Variants in CAMK1 observed in about 807,000 individuals in gnomAD.
CAMK1 encodes calcium/calmodulin dependent protein kinase I, also known as calcium/calmodulin-dependent protein kinase type 1.
A neutral mutation model predicts 49.1 loss-of-function variants in CAMK1; 39 were observed. The ratio of observed to expected loss-of-function variants is 0.79; its 90% confidence interval spans 0.62 to 1.04. The LOEUF is 1.04. Among genes scored for constraint, CAMK1 ranks in the 50% least tolerant of loss-of-function variants. The probability of loss-of-function intolerance (pLI) is 0.00; values close to 1 mark genes in which losing one functional copy is unlikely to be tolerated. For missense variants in CAMK1, 457 were observed against 472.2 expected (o/e 0.97, Z 0.30); for synonymous variants, 192 against 185.2 (o/e 1.04, Z -0.30).
chr3:9,757,589 A>G lies in CAMK1; in HGVS notation c.1063T>C (p.Cys355Arg). 4 of 1,614,160 alleles carry G rather than the reference A, an allele frequency of 2.5e-6. No homozygotes were observed. Among genetic ancestry groups the G allele is most frequent in the South Asian group, 1.1e-5 (1 of 91,082 alleles). Residue 355 changes from cysteine (C) to arginine (R), a missense_variant, in exon 12 of 12, where the codon TGC (cysteine) becomes CGC (arginine). By Grantham distance (180) the Cys-to-Arg change is radical. Coordinates refer to ENST00000256460, the MANE Select transcript of CAMK1 (RefSeq NM_003656.5). This position sits in a 1 kb window ranked among gnomAD's most constrained non-coding sequence, Gnocchi z 4.5. Reference protein sequence around the residue: ...PAAGCCCRDCCVEPGTELSPT... With the variant: ...PAAGCCCRDCRVEPGTELSPT... ...GACAGTTCTGTGCCCGGCTCCACGC[A>G]GCAGTCTCGACAGCAACAGCCAGCT...
At chr3:9,768,492 G>A (rs2078217823) in intron 1 of CAMK1, among the ~76,000 whole-genome samples, 1 of 152,172 alleles carries the variant, frequency 6.6e-6, no homozygotes, top group Admixed American at 6.5e-5. Flanking sequence ...GGAGAGGGTG[G>A]GAGTTCTCTC....
chr3:9,761,803 A>G, intron 5 of CAMK1, 46 bp from the exon 6 acceptor site: 1 of 1,608,176 alleles, frequency 6.2e-7, no homozygotes, highest in East Asian at 2.2e-5. Flanking sequence ...AGATGGTTAG[A>G]GGCTGGTAGA....
chr3:9,764,760 G>A (rs1340305902), intron 3 of CAMK1, among the ~76,000 whole-genome samples: 1 of 149,894 alleles, frequency 6.7e-6, no homozygotes, highest in African/African-American at 2.5e-5. Flanking sequence ...AGCCTCCCAA[G>A]TAGCTGGGAT....
Position 9,767,801 on chromosome 3 carries a change from A to G in CAMK1, c.-32-20T>C. The G allele has an allele frequency of 2.5e-6, 4 of 1,609,274 alleles. No homozygotes were observed. Among genetic ancestry groups the G allele is most frequent in the Non-Finnish European group, 3.4e-6 (4 of 1,177,864 alleles). On this transcript the variant is annotated intron_variant, in intron 1 of 11. Coordinates refer to ENST00000256460, the MANE Select transcript of CAMK1 (RefSeq NM_003656.5). ...GGGCTCCTGTAAGGAGAATGGAAGG[A>G]GGAGACTCAGCAGAGCCCAGCCCTC...
chr3:9,760,279 C>G (rs972953991), intron 8 of CAMK1: 1 of 195,454 alleles, frequency 5.1e-6, no homozygotes, highest in African/African-American at 2.4e-5. Context: ...TTGTTCTTGA[C>G]TAATCTCAGT....
In CAMK1 at chr3:9,757,435, TGAG is replaced by T; in HGVS notation, c.*101_*103del. On this transcript the variant is annotated 3_prime_UTR_variant, in exon 12 of 12. Transcript: ENST00000256460. The surrounding 1 kb of genome is among the most constrained non-coding windows in gnomAD (Gnocchi z 4.5). Reference sequence around the variant, plus strand: ...CAGTGAGGAGTGGTAGGGAAGCAGGTGAGGAGGGGACAGGGCAGAGAAACTCCC... The same window carrying T: ...CAGTGAGGAGTGGTAGGGAAGCAGGTGAGGGGACAGGGCAGAGAAACTCCC... 3 of 1,607,076 alleles carry T rather than the reference TGAG, an allele frequency of 1.9e-6. No individual in the cohort carries two copies. Among genetic ancestry groups the T allele is most frequent in the Middle Eastern group, 1.7e-4 (1 of 6,002 alleles).
intron 1 of CAMK1, among the ~76,000 whole-genome samples, chr3:9,768,792 G>T (rs1300627474): frequency 6.6e-6 from 1 of 152,144 alleles, no homozygotes; most frequent in Non-Finnish European, 1.5e-5. Context: ...TGAGGAGAAG[G>T]TGCCCTGACT....
intron 7 of CAMK1, chr3:9,761,241 TTGTC>T (rs2077852686): frequency 1.6e-5 from 8 of 489,784 alleles, no homozygotes; most frequent in Non-Finnish European, 2.9e-5. Context: ...GGCAGGCACT[TTGTC>T]TGGTTTGTGC....
At position 9,765,790 on chromosome 3, in the gene CAMK1, T is replaced by G. The variant is rs2078125383; in HGVS notation, c.184A>C (p.Ser62Arg). The change falls in exon 3 of 12, where the codon AGC becomes CGC. Residue 62 changes from serine to arginine, a missense_variant. Coordinates refer to ENST00000256460, the MANE Select transcript of CAMK1 (RefSeq NM_003656.5). ...AKEALEGKEG[S>R]MENEIAVLHK... ...AGGACAGCAATCTCATTCTCCATGC[T>G]GCCTTCCTTGCCCTCCAGGGCCTCC... 3 of 1,613,972 alleles carry G rather than the reference T, an allele frequency of 1.9e-6. No individual in the cohort carries two copies. The African/African-American group carries it at 4.0e-5, about 22-fold the overall frequency.
Position 9,760,540 on chromosome 3 carries a change from CT to C in CAMK1, c.745+115del, listed in dbSNP as rs2125573064. On this transcript the variant is annotated intron_variant, in intron 8 of 11. Transcript: ENST00000256460. ...AGGGTGTCTGGTCTCGAAGACAGCT[CT>C]TTGTGTGGTGCTGGAAAATCCGACA... The C allele has an allele frequency of 1.2e-5, 12 of 1,035,908 alleles. No individual in the cohort carries two copies. In the South Asian group the frequency reaches 1.6e-4, roughly 14 times the overall value. The allele number at this position is 1,035,908 out of a possible 1,614,324, so 64.2% of individuals were successfully genotyped here. A position where few individuals can be genotyped will look rare whatever the true frequency, so the allele number is the denominator to read the frequency against.
At chr3:9,760,455 C>A in intron 8 of CAMK1, 1 of 537,762 alleles carries the variant, frequency 1.9e-6, no homozygotes, top group Non-Finnish European at 3.4e-6. Context: ...AAATGAATGC[C>A]TAGTTTCTCA....
In CAMK1 at chr3:9,757,942, G is replaced by C; in HGVS notation, c.913-96C>G. ...GCAGTGGGATTCTTGCAATTGTTCT[G>C]TTATTTTCATTCAGGAGTTATTTTA... is the stretch of plus-strand genomic sequence containing the variant. On this transcript the variant is annotated intron_variant, in intron 10 of 11. Coordinates refer to ENST00000256460, the MANE Select transcript of CAMK1 (RefSeq NM_003656.5). This position sits in a 1 kb window ranked among gnomAD's most constrained non-coding sequence, Gnocchi z 4.5. 6.6e-7 allele frequency: 1 copy of C among 1,507,188 alleles called. No individual in the cohort carries two copies. The highest frequency in any genetic ancestry group is 8.9e-7 in the Non-Finnish European group (1 of 1,128,220). 93.4% of individuals were successfully genotyped at this position (1,507,188 alleles called of 1,614,324 possible). A position where few individuals can be genotyped will look rare whatever the true frequency, so the allele number is the denominator to read the frequency against.
chr3:9,762,500 C>G (rs1350498752), intron 5 of CAMK1, among the ~76,000 whole-genome samples: 1 of 152,166 alleles, frequency 6.6e-6, no homozygotes, highest in Non-Finnish European at 1.5e-5. Context: ...CCTCAGCCTC[C>G]CTAGTAGCTG....
intron 10 of CAMK1, chr3:9,759,181 T>C (rs1486472838): frequency 6.2e-6 from 10 of 1,609,862 alleles, no homozygotes; most frequent in Non-Finnish European, 8.5e-6. Context: ...CCTACTTAAC[T>C]GACAGCTCTG....
rs772680696 is a variant in CAMK1 at position 9,757,553 on chromosome 3, G to A, written c.1099C>T (p.Pro367Ser). The change falls in exon 12 of 12, where the codon CCC (proline) becomes TCC (serine). Residue 367 changes from proline (P) to serine (S), a missense_variant. Pro to Ser is a moderately conservative substitution (Grantham distance 74, BLOSUM62 -1). Coordinates refer to ENST00000256460, the MANE Select transcript of CAMK1 (RefSeq NM_003656.5). The surrounding 1 kb of genome is among the most constrained non-coding windows in gnomAD (Gnocchi z 4.5). ...GGTCCAGGGCCCTAGAGCTGGTGGG[G>A]CAGTGTGGGGGACAGTTCTGTGCCC... ...EPGTELSPTL[P>S]HQL is the part of the protein sequence containing the mutation. 8.1e-6 allele frequency: 13 copies of A among 1,613,576 alleles called. No individual in the cohort carries two copies. In the African/African-American group the frequency reaches 1.5e-4, roughly 18 times the overall value.
intron 1 of CAMK1, 75 bp from the exon 2 acceptor site, chr3:9,767,856 A>T (rs974365809): frequency 8.6e-6 from 13 of 1,516,126 alleles, no homozygotes; most frequent in South Asian, 3.8e-5. Context: ...GGCCCCATTC[A>T]GTCATTCAAC....
At chr3:9,760,792 C>A in intron 7 of CAMK1, 24 bp from the exon 8 acceptor site, 1 of 1,613,632 alleles carries the variant, frequency 6.2e-7, no homozygotes, top group South Asian at 1.1e-5. Context: ...AACTCATCCT[C>A]ATTTCCACTT....
intron 2 of CAMK1, chr3:9,766,731 CAAAG>C: frequency 9.2e-6 from 6 of 655,160 alleles, no homozygotes; most frequent in Non-Finnish European, 1.2e-5. Context: ...AGTCATAAGT[CAAAG>C]AAAAGCATCT....
chr3:9,764,318 G>A (rs144451355), intron 3 of CAMK1, among the ~76,000 whole-genome samples: 5 of 152,030 alleles, frequency 3.3e-5, no homozygotes, highest in South Asian at 2.1e-4. Context: ...TTTTTGAGAC[G>A]GAGTTTTACT....
Sources: gnomAD v4.1 joint callset for allele counts (sites outside exome capture counted in the v4.1 genomes callset) on GRCh38, gnomAD v4.1.1 for gene constraint, Gnocchi (gnomAD v3.1) non-coding constraint, MANE v1.5 for transcripts, NCBI Gene and HGNC (gene_info 2026-07-23, HGNC 2026-07-21) for gene names.